The following GRAMD2B variants were observed in gnomAD, a reference collection of about 807,000 sequenced individuals.
The protein encoded by GRAMD2B is GRAM domain containing 2B.
GRAMD2B carries 41 observed loss-of-function variants against 59.2 expected under a neutral mutation model. The observed-to-expected ratio is 0.69, with a 90% confidence interval of 0.54 to 0.90. GRAMD2B has a LOEUF of 0.90. Ranked by LOEUF, GRAMD2B falls within the 40% of genes least tolerant of loss-of-function variation. The pLI is 0.00. For synonymous variants in GRAMD2B, 161 were observed against 182.7 expected (o/e 0.88, Z 0.96); for missense variants, 424 against 500.5 (o/e 0.85, Z 1.46).
At chr5:126,380,822 G>A (rs766435073) in intron 1 of GRAMD2B, among the ~76,000 whole-genome samples, 4 of 152,068 alleles carry the variant, frequency 2.6e-5, no homozygotes, top group Non-Finnish European at 5.9e-5. Flanking sequence ...GGGTTTTCTA[G>A]GTATACCATC....
chr5:126,384,578 G>A (rs1353617691), intron 1 of GRAMD2B, among the ~76,000 whole-genome samples: 1 of 152,264 alleles, frequency 6.6e-6, no homozygotes, highest in African/African-American at 2.4e-5. Context: ...AAATCTGGAA[G>A]CAGGAATGGG....
At chr5:126,380,528 A>G (rs1375256927) in intron 1 of GRAMD2B, among the ~76,000 whole-genome samples, 4 of 152,158 alleles carry the variant, frequency 2.6e-5, no homozygotes, top group Non-Finnish European at 5.9e-5. Flanking sequence ...CTACCTATCC[A>G]TGAGCATGGG....
upstream of GRAMD2B, chr5:126,423,163 C>T (rs115546503): frequency 0.01 from 10,186 of 998,116 alleles, 60 homozygotes; most frequent in Non-Finnish European, 0.011. Context: ...GCCGGCTGCC[C>T]TCTAAAAATC....
intron 13 of GRAMD2B, among the ~76,000 whole-genome samples, chr5:126,489,327 T>C (rs1773522975): frequency 6.6e-6 from 1 of 152,236 alleles, no homozygotes; most frequent in Non-Finnish European, 1.5e-5. Flanking sequence ...ATTAGAACCA[T>C]GGAAGATAGA....
rs752723330 is a variant in GRAMD2B at position 126,449,007 on chromosome 5, C to T, written c.84-16419C>T. ...AGCACCATGCAAATATAAAGTCATC[C>T]GGGAAATCCAGTAGAAAGGAGTGGC... On this transcript the variant is annotated intron_variant, in intron 1 of 13. Transcript: ENST00000285689. 1.7e-4 allele frequency among the ~76,000 whole-genome samples: 26 copies of T among 152,176 alleles called. 1 individual carries two copies. The highest frequency in any genetic ancestry group is 6.8e-3 in the Middle Eastern group (2 of 294).
At chr5:126,445,214 G>A (rs1390652180) in intron 1 of GRAMD2B, among the ~76,000 whole-genome samples, 1 of 152,150 alleles carries the variant, frequency 6.6e-6, no homozygotes, top group African/African-American at 2.4e-5. Context: ...TACATACCCA[G>A]TAATGGGATT....
At chr5:126,361,489 TAA>T (rs11300255) in intron 1 of GRAMD2B, among the ~76,000 whole-genome samples, 1,509 of 140,728 alleles carry the variant, frequency 0.011, 14 homozygotes, top group African/African-American at 0.02. Flanking sequence ...TCCGAAATGG[TAA>T]AAAAAAAAAA....
chr5:126,412,391 G>A (rs555982248), intron 1 of GRAMD2B, among the ~76,000 whole-genome samples: 8 of 152,182 alleles, frequency 5.3e-5, no homozygotes, highest in Middle Eastern at 3.4e-3. Flanking sequence ...TTTAAATTCC[G>A]TTTGTGTGAT....
chr5:126,411,097 A>T (rs1205119115), intron 1 of GRAMD2B, among the ~76,000 whole-genome samples: 1 of 151,936 alleles, frequency 6.6e-6, no homozygotes, highest in African/African-American at 2.4e-5. Flanking sequence ...TTTGCTGTGC[A>T]GAGCTCTTTA....
chr5:126,468,782 C>T (rs888960831), intron 2 of GRAMD2B, among the ~76,000 whole-genome samples: 2 of 152,062 alleles, frequency 1.3e-5, no homozygotes, highest in African/African-American at 4.8e-5. Context: ...GCCACTGTGC[C>T]CGGCCTGTTT....
At chr5:126,447,448 G>A (rs1764457358) in intron 1 of GRAMD2B, among the ~76,000 whole-genome samples, 1 of 152,254 alleles carries the variant, frequency 6.6e-6, no homozygotes, top group African/African-American at 2.4e-5. Context: ...AGATCATGAG[G>A]TCAGAAGATT....
intron 1 of GRAMD2B, among the ~76,000 whole-genome samples, chr5:126,435,592 G>A (rs142588291): frequency 1.6e-4 from 24 of 152,226 alleles, no homozygotes; most frequent in African/African-American, 3.9e-4. Context: ...TAGGGAAGTC[G>A]TTCTCCTCTT....
At chr5:126,458,514 G>A (rs1428609437) in intron 1 of GRAMD2B, among the ~76,000 whole-genome samples, 1 of 151,940 alleles carries the variant, frequency 6.6e-6, no homozygotes, top group Non-Finnish European at 1.5e-5. Context: ...CCTCATCTTT[G>A]TACGTTCATG....
At chr5:126,449,035 G>A (rs1764854990) in intron 1 of GRAMD2B, among the ~76,000 whole-genome samples, 1 of 152,214 alleles carries the variant, frequency 6.6e-6, no homozygotes, top group Admixed American at 6.5e-5. Context: ...GGAGTGGCAA[G>A]GAAGAGGGAA....
intron 1 of GRAMD2B, among the ~76,000 whole-genome samples, chr5:126,410,575 G>T (rs1270887821): frequency 1.3e-5 from 2 of 152,016 alleles, no homozygotes; most frequent in Non-Finnish European, 2.9e-5. Flanking sequence ...CTTATCAGCT[G>T]AAGGAGATTT....
At chr5:126,369,291 TG>T (rs1754622916), upstream of GRAMD2B, among the ~76,000 whole-genome samples, 1 of 152,194 alleles carries the variant, frequency 6.6e-6, no homozygotes, top group African/African-American at 2.4e-5. Flanking sequence ...AATGAATGAA[TG>T]AATGAATGAA....
upstream of GRAMD2B, among the ~76,000 whole-genome samples, chr5:126,421,644 G>A (rs772641763): frequency 2.6e-5 from 4 of 152,208 alleles, no homozygotes; most frequent in Non-Finnish European, 4.4e-5. Flanking sequence ...TTTTTCAAAT[G>A]TCACAAACAT....
intron 2 of GRAMD2B, among the ~76,000 whole-genome samples, chr5:126,466,132 C>T (rs1768331536): frequency 6.6e-6 from 1 of 152,142 alleles, no homozygotes; most frequent in South Asian, 2.1e-4. Context: ...GCGGTTAAAC[C>T]AACAGTGTGT....
chr5:126,428,380 C>A (rs1760970849), intron 1 of GRAMD2B, among the ~76,000 whole-genome samples: 1 of 151,666 alleles, frequency 6.6e-6, no homozygotes. Context: ...TTATATTAAA[C>A]AAATTATATT....
Sources: gnomAD v4.1 joint callset for allele counts (sites outside exome capture counted in the v4.1 genomes callset) on GRCh38, gnomAD v4.1.1 for gene constraint, MANE v1.5 for transcripts, NCBI Gene and HGNC (gene_info 2026-07-23, HGNC 2026-07-21) for gene names.